EBF2: variants seen among roughly 807,000 people sequenced by gnomAD.
EBF2 encodes transcription factor COE2.
A neutral mutation model predicts 72.8 loss-of-function variants in EBF2; 21 were observed. That is an observed-to-expected ratio of 0.29 (90% CI 0.20 to 0.42). The LOEUF is 0.42. EBF2 is among the 10% of genes least tolerant of loss of function. EBF2 has a pLI of 1.00. For missense variants in EBF2, 637 were observed against 731.2 expected (o/e 0.87, Z 1.49); for synonymous variants, 299 against 274.2 (o/e 1.09, Z -0.89).
intron 7 of EBF2, among the ~76,000 whole-genome samples, chr8:25,904,760 A>G (rs1159991204): frequency 6.6e-6 from 1 of 152,162 alleles, no homozygotes; most frequent in Non-Finnish European, 1.5e-5. Context: ...CTTGACTATG[A>G]TAGCATATTG....
intron 6 of EBF2, among the ~76,000 whole-genome samples, chr8:25,927,317 T>C (rs1803403322): frequency 1.4e-5 from 2 of 147,026 alleles, no homozygotes; most frequent in South Asian, 4.5e-4. Flanking sequence ...TATCTAGATA[T>C]CATGTATTTA....
At chr8:25,984,840 C>G (rs969406400) in intron 6 of EBF2, among the ~76,000 whole-genome samples, 10 of 151,714 alleles carry the variant, frequency 6.6e-5, no homozygotes, top group Non-Finnish European at 1.3e-4. Context: ...GAGATCTGCA[C>G]AGCTCAGATC....
rs1243312808 is a variant in EBF2, at chr8:26,020,317, G to A, written c.551+12768C>T. On this transcript the variant is annotated intron_variant, in intron 6 of 15. Transcript: ENST00000520164. ...CAGACTTCCAGTGTTTGGGTTTGGAGGTCTCATTATGGGCTCACTGATCCA... is the reference window on the plus strand; with the variant it reads ...CAGACTTCCAGTGTTTGGGTTTGGAAGTCTCATTATGGGCTCACTGATCCA... Among the ~76,000 whole-genome samples, 3 of 152,314 alleles carry A rather than the reference G, an allele frequency of 2.0e-5. No homozygotes were observed. In the East Asian group the frequency reaches 5.8e-4, roughly 29 times the overall value.
At chr8:25,875,314 A>G (rs926660614) in intron 10 of EBF2, among the ~76,000 whole-genome samples, 2 of 152,174 alleles carry the variant, frequency 1.3e-5, no homozygotes, top group African/African-American at 2.4e-5. Flanking sequence ...ATGTAATTTT[A>G]TCTTTCTAAT....
chr8:26,002,247 G>A (rs1350848781), intron 6 of EBF2, among the ~76,000 whole-genome samples: 1 of 152,168 alleles, frequency 6.6e-6, no homozygotes, highest in Admixed American at 6.5e-5. Flanking sequence ...GGTGAGGGAT[G>A]ACTGTGAGGA....
rs574846841 is a variant in EBF2 at position 26,011,110 on chromosome 8, C to G, written c.551+21975G>C. 3.9e-5 allele frequency among the ~76,000 whole-genome samples: 6 copies of G among 152,274 alleles called. No individual in the cohort carries two copies. In the East Asian group the frequency reaches 1.2e-3, roughly 29 times the overall value. ...ATAGCTCAGCAGTTGATCAGCTTAGCACTTTATGGATAAAGGCAAACCACA... is the reference window on the plus strand; with the variant it reads ...ATAGCTCAGCAGTTGATCAGCTTAGGACTTTATGGATAAAGGCAAACCACA... On this transcript the variant is annotated intron_variant, in intron 6 of 15. Transcript: ENST00000520164.
At chr8:25,849,980 G>GAGAT (rs1243359548) in intron 15 of EBF2, among the ~76,000 whole-genome samples, 6 of 152,188 alleles carry the variant, frequency 3.9e-5, no homozygotes, top group African/African-American at 7.2e-5. Flanking sequence ...CATTTTCTGA[G>GAGAT]AGATAGCAGA....
At chr8:25,929,212 C>G (rs774130176) in intron 6 of EBF2, among the ~76,000 whole-genome samples, 26 of 152,198 alleles carry the variant, frequency 1.7e-4, no homozygotes, top group Non-Finnish European at 3.4e-4. Context: ...CCCTGTCTTA[C>G]ACAGACAAGG....
chr8:25,908,278 G>C (rs755554953), intron 7 of EBF2, among the ~76,000 whole-genome samples, 196 bp downstream of exon 7: 3 of 152,130 alleles, frequency 2.0e-5, no homozygotes, highest in Admixed American at 1.3e-4. Context: ...TGGCAATGGG[G>C]GCAGAAAGCT....
At chr8:25,914,330 C>A (rs1803175970) in intron 6 of EBF2, among the ~76,000 whole-genome samples, 1 of 152,046 alleles carries the variant, frequency 6.6e-6, no homozygotes, top group South Asian at 2.1e-4. Flanking sequence ...AATATTCTTT[C>A]CTCCTTCAAG....
chr8:26,015,796 G>A (rs1013788071), intron 6 of EBF2, among the ~76,000 whole-genome samples: 4 of 152,142 alleles, frequency 2.6e-5, no homozygotes, highest in Non-Finnish European at 5.9e-5. Flanking sequence ...ATGTGGCAAA[G>A]CCTAGGCCAA....
chr8:25,916,592 T>C (rs564008971), intron 6 of EBF2, among the ~76,000 whole-genome samples: 1 of 152,174 alleles, frequency 6.6e-6, no homozygotes, highest in Admixed American at 6.5e-5. Context: ...TATTAATATA[T>C]ACTACACTGG....
chr8:25,990,939 G>C (rs1804532347), intron 6 of EBF2, among the ~76,000 whole-genome samples: 2 of 152,136 alleles, frequency 1.3e-5, no homozygotes, highest in Non-Finnish European at 2.9e-5. Context: ...AAATTAAAAT[G>C]GTAAAATAAA....
intron 6 of EBF2, among the ~76,000 whole-genome samples, chr8:25,970,449 AT>A (rs888599529): frequency 2.0e-4 from 31 of 151,894 alleles, no homozygotes; most frequent in Non-Finnish European, 3.7e-4. Flanking sequence ...CCACAGAGCA[AT>A]TTTTTTTCCT....
At chr8:25,962,112 TCTTA>T (rs1804045179) in intron 6 of EBF2, among the ~76,000 whole-genome samples, 1 of 152,142 alleles carries the variant, frequency 6.6e-6, no homozygotes, top group African/African-American at 2.4e-5. Context: ...CACGTACACG[TCTTA>T]CTTGTTTTCT....
intron 10 of EBF2, among the ~76,000 whole-genome samples, chr8:25,866,869 T>G (rs1334807959): frequency 6.6e-6 from 1 of 151,740 alleles, no homozygotes; most frequent in Non-Finnish European, 1.5e-5. Flanking sequence ...TGACCTCAAG[T>G]GATCCACCCA....
chr8:25,971,343 A>G (rs1158317688), intron 6 of EBF2, among the ~76,000 whole-genome samples: 1 of 150,478 alleles, frequency 6.6e-6, no homozygotes, highest in Non-Finnish European at 1.5e-5. Flanking sequence ...CGTGGGCAAC[A>G]GAGTTCAGTC....
intron 6 of EBF2, among the ~76,000 whole-genome samples, chr8:25,928,978 G>A (rs928755505): frequency 2.0e-5 from 3 of 152,098 alleles, no homozygotes; most frequent in African/African-American, 4.8e-5. Context: ...AAGTGCTGAC[G>A]CAGTGAGATG....
intron 6 of EBF2, among the ~76,000 whole-genome samples, chr8:25,934,767 C>A (rs903041099): frequency 6.6e-6 from 1 of 152,116 alleles, no homozygotes; most frequent in East Asian, 1.9e-4. Flanking sequence ...GTACGTTTGC[C>A]GGGGCAATGA....
Sources: allele counts gnomAD v4.1 joint callset (sites outside exome capture counted in the v4.1 genomes callset), GRCh38; gene constraint gnomAD v4.1.1; transcripts MANE v1.5; gene names NCBI Gene and HGNC (gene_info 2026-07-23, HGNC 2026-07-21).